The following GPBP1 variants were observed in gnomAD, a reference collection of about 807,000 sequenced individuals.
The protein encoded by GPBP1 is vasculin.
In GPBP1, 13 loss-of-function variants were observed where a neutral mutation model predicts 56.5. The observed-to-expected ratio is 0.23, with a 90% CI of 0.15 to 0.37. The LOEUF (loss-of-function observed/expected upper bound fraction) is 0.37. Among genes scored for constraint, GPBP1 ranks in the 10% least tolerant of loss-of-function variants. The probability of loss-of-function intolerance (pLI) is 1.00; values close to 1 mark genes in which losing one functional copy is unlikely to be tolerated. For synonymous variants in GPBP1, 204 were observed against 188.9 expected, an observed-to-expected ratio of 1.08 and a Z score of -0.66; for missense variants, 477 against 572.3, an observed-to-expected ratio of 0.83 and a Z score of 1.70.
intron 9 of GPBP1, among the ~76,000 whole-genome samples, chr5:57,250,166 G>T (rs1230750556): frequency 6.7e-6 from 1 of 150,298 alleles, no homozygotes; most frequent in Non-Finnish European, 1.5e-5. Flanking sequence ...TGTACGTTTG[G>T]CTAATTTTTT....
intron 5 of GPBP1, among the ~76,000 whole-genome samples, chr5:57,235,439 G>T (rs569324466): frequency 1.9e-4 from 29 of 150,818 alleles, no homozygotes; most frequent in Non-Finnish European, 4.0e-4. Flanking sequence ...TTAAATGAAA[G>T]CAAGTTTATT....
chr5:57,184,826 C>G (rs917128933), intron 2 of GPBP1, among the ~76,000 whole-genome samples: 1 of 152,222 alleles, frequency 6.6e-6, no homozygotes, highest in African/African-American at 2.4e-5. Flanking sequence ...TATCGATGTC[C>G]TTTCCTATTG....
At chr5:57,211,944 A>AT (rs1341381549) in intron 2 of GPBP1, among the ~76,000 whole-genome samples, 19 of 135,790 alleles carry the variant, frequency 1.4e-4, no homozygotes, top group African/African-American at 3.1e-4. Context: ...TTAAAAAAAA[A>AT]TTTTTTTTTT....
At chr5:57,209,792 A>G (rs1561340627) in intron 2 of GPBP1, among the ~76,000 whole-genome samples, 1 of 152,000 alleles carries the variant, frequency 6.6e-6, no homozygotes, top group African/African-American at 2.4e-5. Context: ...TGTATTATTG[A>G]TTGATTTTTG....
rs986737646 is a variant in GPBP1, at chr5:57,218,760, C to T, written c.63+4567C>T. ...GATAACAGGCGTGAGCCACCACGCT[C>T]GAGCCAGAATCAATTTTATAATTTG... is the stretch of plus-strand genomic sequence containing the variant. On this transcript the variant is annotated intron_variant, in intron 3 of 11. Coordinates refer to ENST00000506184, the MANE Select transcript of GPBP1 (RefSeq NM_022913.4). Among the ~76,000 whole-genome samples, 4 of 152,128 alleles carry T rather than the reference C, an allele frequency of 2.6e-5. No individual in the cohort carries two copies. The South Asian group carries it at 6.2e-4, about 24-fold the overall frequency.
chr5:57,238,001 A>G (rs1008819759), intron 6 of GPBP1, among the ~76,000 whole-genome samples: 1 of 152,152 alleles, frequency 6.6e-6, no homozygotes, highest in African/African-American at 2.4e-5. Context: ...CTTAGAACCT[A>G]GTTGGCTTTA....
chr5:57,212,035 C>T (rs774859669), intron 2 of GPBP1, among the ~76,000 whole-genome samples: 4 of 152,012 alleles, frequency 2.6e-5, no homozygotes, highest in Admixed American at 6.6e-5. Flanking sequence ...TTCCCAGGTT[C>T]AAGCGATTTT....
rs367827288 is a variant in GPBP1 at position 57,249,618 on chromosome 5, T to C, written c.972+42T>C. 464 of 1,503,594 alleles carry C rather than the reference T, an allele frequency of 3.1e-4. 1 individual carries two copies. The highest frequency in any genetic ancestry group is 3.9e-4 in the Non-Finnish European group (430 of 1,102,424). 93.1% of individuals were successfully genotyped at this position (1,503,594 alleles called of 1,614,324 possible). A position where few individuals can be genotyped will look rare whatever the true frequency, so the allele number is the denominator to read the frequency against. ...CAATACTTGATTTGACATTGATATG[T>C]CATTGAAATATTTGAGCATGTATTA... On this transcript the variant is annotated intron_variant, in intron 9 of 11. Coordinates refer to ENST00000506184, the MANE Select transcript of GPBP1 (RefSeq NM_022913.4).
chr5:57,237,335 A>G (rs1740571110), intron 6 of GPBP1: 3 of 631,634 alleles, frequency 4.7e-6, no homozygotes, highest in Non-Finnish European at 8.5e-6. Context: ...CGTTTGTCAT[A>G]TAAAACTATC....
At chr5:57,220,435 T>G (rs1241801737) in intron 3 of GPBP1, among the ~76,000 whole-genome samples, 1 of 151,922 alleles carries the variant, frequency 6.6e-6, no homozygotes, top group Non-Finnish European at 1.5e-5. Flanking sequence ...AAAAATTAGC[T>G]TTAGAAAATA....
chr5:57,244,467 A>G (rs1406473071), intron 6 of GPBP1, among the ~76,000 whole-genome samples: 2 of 152,208 alleles, frequency 1.3e-5, no homozygotes, highest in Non-Finnish European at 2.9e-5. Context: ...TAGTGATAGA[A>G]CTGCCCCCTG....
chr5:57,214,758 C>T (rs751382274), intron 3 of GPBP1, among the ~76,000 whole-genome samples: 1 of 152,116 alleles, frequency 6.6e-6, no homozygotes, highest in East Asian at 1.9e-4. Context: ...TGGGTTCAAG[C>T]GATTCTTCTG....
intron 10 of GPBP1, among the ~76,000 whole-genome samples, chr5:57,260,359 C>CT (rs1741843959): frequency 6.6e-6 from 1 of 152,250 alleles, no homozygotes; most frequent in Non-Finnish European, 1.5e-5. Flanking sequence ...TTCTTGTTTC[C>CT]TTGGGGTATT....
At chr5:57,242,662 C>A (rs1220990530) in intron 6 of GPBP1, among the ~76,000 whole-genome samples, 1 of 152,138 alleles carries the variant, frequency 6.6e-6, no homozygotes, top group African/African-American at 2.4e-5. Flanking sequence ...CCAGCCTGGT[C>A]TTGAACTCCT....
rs1440037068 is a variant in GPBP1 at position 57,264,011 on chromosome 5, G to A, written c.*1259G>A. 1.3e-5 allele frequency: 2 copies of A among 152,062 alleles called. No homozygotes were observed. Among genetic ancestry groups the A allele is most frequent in the Non-Finnish European group, 2.9e-5 (2 of 67,992 alleles). 9.4% of individuals were successfully genotyped at this position (152,062 alleles called of 1,614,324 possible). A position where few individuals can be genotyped will look rare whatever the true frequency, so the allele number is the denominator to read the frequency against. The stretch of plus-strand genomic sequence containing the variant: ...ATGTCAGATCTAATCTTAAGTGTTT[G>A]TTGTTTTTTAAAAAGTGTTTTCTCA... On this transcript the variant is annotated 3_prime_UTR_variant, in exon 12 of 12. Coordinates refer to ENST00000506184, the MANE Select transcript of GPBP1 (RefSeq NM_022913.4).
intron 6 of GPBP1, among the ~76,000 whole-genome samples, chr5:57,238,130 T>C (rs1409621858): frequency 6.6e-6 from 1 of 152,208 alleles, no homozygotes; most frequent in African/African-American, 2.4e-5. Flanking sequence ...CTCCACGCTG[T>C]TAATTTAAAA....
intron 9 of GPBP1, among the ~76,000 whole-genome samples, chr5:57,250,732 A>T (rs1304617895): frequency 6.6e-6 from 1 of 151,890 alleles, no homozygotes; most frequent in African/African-American, 2.4e-5. Context: ...TTTAGTAGAG[A>T]TGGGGTTTCA....
rs1303966325 is a variant in GPBP1 at position 57,241,619 on chromosome 5, G to C, written c.479-4681G>C. On this transcript the variant is annotated intron_variant, in intron 6 of 11. Coordinates refer to ENST00000506184, the MANE Select transcript of GPBP1 (RefSeq NM_022913.4). ...GGCTACATTTATTTGCGAGGATAGA[G>C]GGAAATAATGTTAAGAAAATCCAAA... 3.3e-5 allele frequency among the ~76,000 whole-genome samples: 5 copies of C among 152,260 alleles called. No homozygotes were observed. In the East Asian group the frequency reaches 7.7e-4, roughly 23 times the overall value.
chr5:57,238,046 T>C (rs1212890060), intron 6 of GPBP1, among the ~76,000 whole-genome samples: 2 of 152,132 alleles, frequency 1.3e-5, no homozygotes, highest in Non-Finnish European at 2.9e-5. Context: ...TATCTGTGAC[T>C]TCAATAGTGT....
Sources: allele counts gnomAD v4.1 joint callset (sites outside exome capture counted in the v4.1 genomes callset), GRCh38; gene constraint gnomAD v4.1.1; transcripts MANE v1.5; gene names NCBI Gene and HGNC (gene_info 2026-07-23, HGNC 2026-07-21).